Variants in SNTG1 observed in about 807,000 individuals in gnomAD.
The protein encoded by SNTG1 is gamma-1-syntrophin.
In SNTG1, 39 loss-of-function variants were observed where a neutral mutation model predicts 74.7. The ratio of observed to expected loss-of-function variants is 0.52; its 90% CI spans 0.40 to 0.68. The LOEUF is 0.68. SNTG1 is among the 30% of genes least tolerant of loss of function. The pLI, the probability that SNTG1 is intolerant of heterozygous loss-of-function variation, is 0.00. For synonymous variants in SNTG1, 254 were observed against 217.1 expected (o/e 1.17, Z -1.49); for missense variants, 685 against 609.5 (o/e 1.12, Z -1.30).
chr8:49,915,132 C>A (rs1190349796), intron 1 of SNTG1: 1 of 152,114 alleles, frequency 6.6e-6, no homozygotes, highest in African/African-American at 2.4e-5. Flanking sequence ...GTCACTCAAT[C>A]CACTGCAGCT....
intron 1 of SNTG1, among the ~76,000 whole-genome samples, chr8:50,006,794 G>A (rs1815284133): frequency 6.6e-6 from 1 of 152,152 alleles, no homozygotes; most frequent in African/African-American, 2.4e-5. Flanking sequence ...TTCTCACAAG[G>A]TGACTAAGAA....
At chr8:50,418,073 C>A (rs924350818) in intron 4 of SNTG1, among the ~76,000 whole-genome samples, 1 of 151,952 alleles carries the variant, frequency 6.6e-6, no homozygotes, top group Non-Finnish European at 1.5e-5. Context: ...AAAATAAAAC[C>A]AAACTCTCTC....
At position 50,418,414 on chromosome 8, in the gene SNTG1, A is replaced by G. The variant is rs148148722; in HGVS notation, c.162+16070A>G. On this transcript the variant is annotated intron_variant, in intron 4 of 18. Transcript: ENST00000642720. ...TAGAGATCTCTAAGTCTCAGTCTTC[A>G]CTGCTGAGTCTTTTCTTCATTTCCA... is the stretch of plus-strand genomic sequence containing the variant. Among the ~76,000 whole-genome samples, 255 of 152,164 alleles carry G rather than the reference A, an allele frequency of 1.7e-3. 7 individuals carry two copies. The East Asian group carries it at 0.045, about 27-fold the overall frequency.
chr8:50,365,965 A>C (rs2092097304), intron 2 of SNTG1, among the ~76,000 whole-genome samples: 2 of 152,170 alleles, frequency 1.3e-5, no homozygotes, highest in African/African-American at 4.8e-5. Flanking sequence ...ACCATTTCCT[A>C]CTTTTCTAAA....
intron 13 of SNTG1, among the ~76,000 whole-genome samples, chr8:50,633,800 A>G (rs2095020518): frequency 6.6e-6 from 1 of 152,180 alleles, no homozygotes; most frequent in Non-Finnish European, 1.5e-5. Flanking sequence ...CCAGTATTTA[A>G]TCAATGGGAT....
intron 15 of SNTG1, among the ~76,000 whole-genome samples, chr8:50,692,971 C>T (rs1563751182): frequency 1.3e-5 from 2 of 152,162 alleles, no homozygotes; most frequent in African/African-American, 4.8e-5. Context: ...CCTCCCCAAG[C>T]CTTGCTGCCA....
Position 50,356,946 on chromosome 8 carries a change from G to A in SNTG1, c.-27-37266G>A, listed in dbSNP as rs377253679. 1.0e-3 allele frequency among the ~76,000 whole-genome samples: 155 copies of A among 152,330 alleles called. 1 individual carries two copies. Among genetic ancestry groups the A allele is most frequent in the African/African-American group, 3.3e-3 (137 of 41,580 alleles). On this transcript the variant is annotated intron_variant, in intron 2 of 18. Transcript: ENST00000642720. ...CAGCGTGACTTTTGGGCCTCAATGAGCTGGACATGGGTTCTGTTTTTCCAG... is the reference window on the plus strand; with the variant it reads ...CAGCGTGACTTTTGGGCCTCAATGAACTGGACATGGGTTCTGTTTTTCCAG...
At chr8:50,411,140 G>A (rs1185366500) in intron 4 of SNTG1, among the ~76,000 whole-genome samples, 3 of 152,026 alleles carry the variant, frequency 2.0e-5, no homozygotes, top group African/African-American at 7.2e-5. Context: ...CATTCCAAAT[G>A]TGTGCAAATA....
At chr8:50,074,880 G>A (rs933309282) in intron 1 of SNTG1, among the ~76,000 whole-genome samples, 6 of 152,154 alleles carry the variant, frequency 3.9e-5, no homozygotes, top group East Asian at 1.9e-4. Context: ...TGAGGGAACC[G>A]GGGCTGTGCC....
chr8:50,784,614 T>A (rs1384816759), intron 18 of SNTG1, among the ~76,000 whole-genome samples: 1 of 152,146 alleles, frequency 6.6e-6, no homozygotes, highest in Non-Finnish European at 1.5e-5. Context: ...CCACTGTAAC[T>A]AATGGGTAGA....
At chr8:50,469,989 A>T (rs1362054024) in intron 8 of SNTG1, among the ~76,000 whole-genome samples, 1 of 152,160 alleles carries the variant, frequency 6.6e-6, no homozygotes, top group Non-Finnish European at 1.5e-5. Context: ...ATAAATAAAC[A>T]AACAGTTCTC....
intron 8 of SNTG1, among the ~76,000 whole-genome samples, chr8:50,463,321 T>C (rs1380175211): frequency 6.6e-6 from 1 of 151,968 alleles, no homozygotes; most frequent in Non-Finnish European, 1.5e-5. Context: ...GTCCAGAAGG[T>C]TTTAAATCAA....
Position 50,089,101 on chromosome 8 carries a change from G to A in SNTG1, c.-102-83460G>A, listed in dbSNP as rs1272183976. On this transcript the variant is annotated intron_variant, in intron 1 of 18. Transcript: ENST00000642720. ...GAACAGAGCCCTCAGAAATAACGCC[G>A]CATATCTACAACTATCTGATCTTTG... is the stretch of plus-strand genomic sequence containing the variant. Among the ~76,000 whole-genome samples the A allele has an allele frequency of 1.7e-4, 26 of 151,130 alleles. No homozygotes were observed. The East Asian group carries it at 1.8e-3, about 10-fold the overall frequency.
rs533815216 is a variant in SNTG1, at chr8:50,331,866, G to A, written c.-27-62346G>A. 1.3e-3 allele frequency among the ~76,000 whole-genome samples: 202 copies of A among 152,270 alleles called. 1 individual carries two copies. Among genetic ancestry groups the A allele is most frequent in the Non-Finnish European group, 2.2e-3 (152 of 68,018 alleles). ...AGCTGAAGATGCTATAATCTAAAGT[G>A]GAGAAGACAGCAGAAAAAAGTGTTC... On this transcript the variant is annotated intron_variant, in intron 2 of 18. Coordinates refer to ENST00000642720, the MANE Select transcript of SNTG1 (RefSeq NM_018967.5).
intron 2 of SNTG1, among the ~76,000 whole-genome samples, chr8:50,387,049 G>A (rs551545941): frequency 5.2e-4 from 79 of 152,052 alleles, no homozygotes; most frequent in Non-Finnish European, 9.1e-4. Flanking sequence ...AATTTAGTAG[G>A]CTTCCTGTCT....
intron 1 of SNTG1, among the ~76,000 whole-genome samples, chr8:49,999,368 G>T (rs1211073771): frequency 6.6e-6 from 1 of 152,102 alleles, no homozygotes; most frequent in African/African-American, 2.4e-5. Context: ...AGCAGCCTGG[G>T]TGAGTACGGT....
At chr8:50,082,735 C>G (rs780369111) in intron 1 of SNTG1, among the ~76,000 whole-genome samples, 1 of 152,140 alleles carries the variant, frequency 6.6e-6, no homozygotes, top group African/African-American at 2.4e-5. Flanking sequence ...TCCACACATG[C>G]ATTTAGGCTT....
chr8:50,053,623 T>TTTTGTGTG (rs771636923), intron 1 of SNTG1, among the ~76,000 whole-genome samples: 2 of 134,430 alleles, frequency 1.5e-5, no homozygotes, highest in Non-Finnish European at 3.1e-5. Flanking sequence ...ATATATATAA[T>TTTTGTGTG]TGTGTGTGTG....
Position 49,969,385 on chromosome 8 carries a change from ATCTTTTTTTTTT to A in SNTG1, c.-103+57156_-103+57167del, listed in dbSNP as rs1451865201. The stretch of plus-strand genomic sequence containing the variant: ...GCAAATACACATTTTAATTCATTTA[ATCTTTTTTTTTT>A]TTTTTTTTTTTTTTTTTGAAATGGA... On this transcript the variant is annotated intron_variant, in intron 1 of 18. Transcript: ENST00000642720. Among the ~76,000 whole-genome samples the A allele has an allele frequency of 1.1e-3, 126 of 116,646 alleles. 9 individuals are homozygous for A. Among genetic ancestry groups the A allele is most frequent in the African/African-American group, 1.3e-3 (38 of 30,124 alleles). 76.5% of individuals were successfully genotyped at this position (116,646 alleles called of 152,430 possible). A position where few individuals can be genotyped will look rare whatever the true frequency, so the allele number is the denominator to read the frequency against.
Sources: gnomAD v4.1 joint callset for allele counts (sites outside exome capture counted in the v4.1 genomes callset) on GRCh38, gnomAD v4.1.1 for gene constraint, MANE v1.5 for transcripts, NCBI Gene and HGNC (gene_info 2026-07-23, HGNC 2026-07-21) for gene names.